The following VPS50 variants were observed in gnomAD, a reference collection of about 807,000 sequenced individuals.
The protein encoded by VPS50 is VPS50 subunit of EARP/GARPII complex.
A neutral mutation model predicts 139.7 loss-of-function variants in VPS50; 70 were observed. That is an observed-to-expected ratio of 0.50 (90% CI 0.41 to 0.61). VPS50 has a LOEUF of 0.61. Among genes scored for constraint, VPS50 ranks in the 20% least tolerant of loss-of-function variants. The pLI is 0.00. For synonymous variants in VPS50, 365 were observed against 376.7 expected (o/e 0.97, Z 0.36); for missense variants, 921 against 1,133.7 (o/e 0.81, Z 2.69).
intron 19 of VPS50, among the ~76,000 whole-genome samples, chr7:93,310,156 A>C (rs1018283998): frequency 6.6e-6 from 1 of 152,018 alleles, no homozygotes; most frequent in South Asian, 2.1e-4. Context: ...GAAATGTACA[A>C]GTAAGATAGT....
chr7:93,253,407 C>T (rs954178125), intron 3 of VPS50, among the ~76,000 whole-genome samples: 1 of 152,174 alleles, frequency 6.6e-6, no homozygotes. Flanking sequence ...ACAACTGTCA[C>T]ACAGTAGTAC....
chr7:93,262,029 C>G (rs935389058), intron 9 of VPS50, among the ~76,000 whole-genome samples: 2 of 152,082 alleles, frequency 1.3e-5, no homozygotes, highest in Non-Finnish European at 2.9e-5. Context: ...AGGACAGATG[C>G]AGAATTAAGA....
intron 12 of VPS50, among the ~76,000 whole-genome samples, chr7:93,280,927 ACT>A (rs1238830839): frequency 2.6e-5 from 4 of 152,032 alleles, no homozygotes; most frequent in African/African-American, 9.7e-5. Flanking sequence ...ATACATACAC[ACT>A]CATATATTAT....
At chr7:93,358,264 A>G in intron 27 of VPS50, 53 bp from the exon 28 acceptor site, 1 of 1,570,948 alleles carries the variant, frequency 6.4e-7, no homozygotes. Context: ...TGTTGCACTG[A>G]TCAGATACAT....
intron 19 of VPS50, among the ~76,000 whole-genome samples, chr7:93,309,268 A>G (rs1334027453): frequency 6.6e-6 from 1 of 152,000 alleles, no homozygotes; most frequent in Non-Finnish European, 1.5e-5. Flanking sequence ...TGATTTAGCC[A>G]TTTAAAAACT....
At chr7:93,328,801 C>T (rs1290876317) in intron 21 of VPS50, among the ~76,000 whole-genome samples, 3 of 151,976 alleles carry the variant, frequency 2.0e-5, no homozygotes, top group African/African-American at 7.3e-5. Context: ...TAGTGGAGGA[C>T]GCTCAGAAGA....
intron 20 of VPS50, among the ~76,000 whole-genome samples, chr7:93,317,199 T>C (rs1562883979): frequency 6.6e-6 from 1 of 152,198 alleles, no homozygotes; most frequent in East Asian, 1.9e-4. Context: ...TATGGTGATC[T>C]AGCCTTTGAT....
chr7:93,262,058 G>A (rs1193404302), intron 9 of VPS50, among the ~76,000 whole-genome samples: 1 of 152,118 alleles, frequency 6.6e-6, no homozygotes, highest in Non-Finnish European at 1.5e-5. Context: ...CCTCAATATT[G>A]GAAAATTGGT....
intron 20 of VPS50, among the ~76,000 whole-genome samples, chr7:93,313,766 TAAA>T (rs1797340159): frequency 0.02 from 5 of 254 alleles, no homozygotes; most frequent in African/African-American, 0.069. Flanking sequence ...CCCTTTAAAG[TAAA>T]GTAAAGTATG....
At position 93,276,269 on chromosome 7, in the gene VPS50, A is replaced by G. The variant is rs200883111; in HGVS notation, c.906A>G (p.Thr302=). ...YVELCAGNTD[T]KFQKLQYKDL... is the part of the protein sequence containing the mutation. ...AACTATGTGCAGGAAACACAGACAC[A>G]AAATTCCAAAAGCTGCAATATAAGG... is the stretch of plus-strand genomic sequence containing the variant. Residue 302 remains threonine, a synonymous_variant, in exon 12 of 28, where the codon ACA becomes ACG. Coordinates refer to ENST00000305866, the MANE Select transcript of VPS50 (RefSeq NM_017667.4). 4.5e-5 allele frequency: 73 copies of G among 1,613,742 alleles called. No individual in the cohort carries two copies. The Admixed American group carries it at 5.3e-4, about 12-fold the overall frequency.
Position 93,355,914 on chromosome 7 carries a change from G to C in VPS50, c.2609G>C (p.Ser870Thr), listed in dbSNP as rs770884921. ...VEGYANVKKC[S>T]NEGRALMQLD... ...AGATATGCCAATGTCAAGAAATGCAGTAATGAGGGTCGTGCCCTGATGCAA... is the reference window on the plus strand; with the variant it reads ...AGATATGCCAATGTCAAGAAATGCACTAATGAGGGTCGTGCCCTGATGCAA... Residue 870 changes from serine to threonine, a missense_variant, in exon 27 of 28, where the codon AGT (serine) becomes ACT (threonine). Transcript: ENST00000305866. 6.3e-7 allele frequency: 1 copy of C among 1,585,426 alleles called. No homozygotes were observed. Among genetic ancestry groups the C allele is most frequent in the South Asian group, 1.2e-5 (1 of 86,396 alleles).
At chr7:93,250,781 T>A (rs1795299711) in intron 2 of VPS50, among the ~76,000 whole-genome samples, 1 of 152,122 alleles carries the variant, frequency 6.6e-6, no homozygotes, top group Non-Finnish European at 1.5e-5. Flanking sequence ...GAGAAAATGT[T>A]TGCAATCTAT....
At chr7:93,352,239 G>A (rs1298215220) in intron 25 of VPS50, among the ~76,000 whole-genome samples, 1 of 151,954 alleles carries the variant, frequency 6.6e-6, no homozygotes, top group East Asian at 1.9e-4. Flanking sequence ...AGCAGTTTAA[G>A]GAATGCATAA....
intron 9 of VPS50, among the ~76,000 whole-genome samples, chr7:93,262,279 T>C (rs1193739857): frequency 6.6e-6 from 1 of 152,202 alleles, no homozygotes; most frequent in Non-Finnish European, 1.5e-5. Context: ...AAAGTAAATG[T>C]CTTACATGAT....
intron 21 of VPS50, 70 bp from the exon 22 acceptor site, chr7:93,334,047 G>A (rs1426728567): frequency 1.2e-6 from 1 of 862,752 alleles, no homozygotes; most frequent in Non-Finnish European, 1.9e-6. Flanking sequence ...CAAATATCTT[G>A]GTTAATTTGA....
At chr7:93,247,425 C>T (rs1056586769) in intron 2 of VPS50, among the ~76,000 whole-genome samples, 1 of 151,948 alleles carries the variant, frequency 6.6e-6, no homozygotes. Context: ...TTGCTTTAAC[C>T]TGTTGTGCAC....
chr7:93,271,496 T>G (rs1796009126), intron 10 of VPS50, among the ~76,000 whole-genome samples: 1 of 151,788 alleles, frequency 6.6e-6, no homozygotes, highest in Admixed American at 6.6e-5. Context: ...AAGAAAAATT[T>G]CCAAACTATT....
At chr7:93,351,978 A>G (rs1414807732) in intron 25 of VPS50, among the ~76,000 whole-genome samples, 1 of 152,196 alleles carries the variant, frequency 6.6e-6, no homozygotes, top group Non-Finnish European at 1.5e-5. Context: ...ATTATCTGTG[A>G]TAACTTTTGT....
chr7:93,324,201 G>A (rs1398093015), intron 21 of VPS50, among the ~76,000 whole-genome samples: 6 of 152,140 alleles, frequency 3.9e-5, no homozygotes, highest in Non-Finnish European at 7.4e-5. Context: ...AGACAATGGG[G>A]TTTTCTAGAT....
Sources: allele counts gnomAD v4.1 joint callset (sites outside exome capture counted in the v4.1 genomes callset), GRCh38; gene constraint gnomAD v4.1.1; transcripts MANE v1.5; gene names NCBI Gene and HGNC (gene_info 2026-07-23, HGNC 2026-07-21).